NCOR1: variants seen among roughly 807,000 people sequenced by gnomAD.
The protein encoded by NCOR1 is nuclear receptor corepressor 1.
NCOR1 carries 63 observed loss-of-function variants against 288.1 expected under a neutral mutation model. That is an observed-to-expected ratio of 0.22 (90% CI 0.18 to 0.27). The LOEUF (loss-of-function observed/expected upper bound fraction) is 0.27, where lower values mean the gene tolerates loss of function less well. Among genes scored for constraint, NCOR1 ranks in the 10% least tolerant of loss-of-function variants. The pLI, the probability that NCOR1 is intolerant of heterozygous loss-of-function variation, is 1.00. For synonymous variants in NCOR1, 1,007 were observed against 1,065.9 expected (o/e 0.94, Z 1.08); for missense variants, 2,397 against 3,019.2 (o/e 0.79, Z 4.83).
chr17:16,155,027 A>C (rs2079495454), intron 6 of NCOR1, among the ~76,000 whole-genome samples: 1 of 152,092 alleles, frequency 6.6e-6, no homozygotes. Flanking sequence ...CTTTCTTCTG[A>C]AGTCACATTC....
At chr17:16,076,076 T>C (rs969148389) in intron 26 of NCOR1, among the ~76,000 whole-genome samples, 2 of 152,266 alleles carry the variant, frequency 1.3e-5, no homozygotes, top group African/African-American at 4.8e-5. Flanking sequence ...TTTTGCGTTG[T>C]TGAAATTTGC....
At chr17:16,156,892 T>G (rs946599474) in intron 6 of NCOR1, among the ~76,000 whole-genome samples, 4 of 152,142 alleles carry the variant, frequency 2.6e-5, no homozygotes, top group African/African-American at 7.2e-5. Flanking sequence ...TCACTAATAT[T>G]GTAAGACAAG....
chr17:16,148,995 C>CT (rs1402319693), intron 9 of NCOR1, among the ~76,000 whole-genome samples: 1 of 151,820 alleles, frequency 6.6e-6, no homozygotes, highest in East Asian at 1.9e-4. Flanking sequence ...AACCACAAAA[C>CT]TTTTGGACTG....
rs2153152956 is a variant in NCOR1, at chr17:16,121,180, G to C, written c.1724C>G (p.Ala575Gly). 1 of 1,614,092 alleles carries C rather than the reference G, an allele frequency of 6.2e-7. No homozygotes were observed. Among genetic ancestry groups the C allele is most frequent in the African/African-American group, 1.3e-5 (1 of 75,030 alleles). ...EQATPRGRKT[A>G]NSQGRRKGRI... Reference sequence around the variant, plus strand: ...GCCCTTACGGCGGCCCTGACTGTTGGCAGTCTTTCGCCCCCGGGGTGTGGC... The same window carrying C: ...GCCCTTACGGCGGCCCTGACTGTTGCCAGTCTTTCGCCCCCGGGGTGTGGC... The change falls in exon 16 of 46, where the codon GCC becomes GGC. Residue 575 changes from alanine to glycine, a missense_variant. Coordinates refer to ENST00000268712, the MANE Select transcript of NCOR1 (RefSeq NM_006311.4).
In NCOR1 at chr17:16,127,322, T is replaced by C. The variant is rs532817071; in HGVS notation, c.1510-1116A>G. 7.9e-5 allele frequency among the ~76,000 whole-genome samples: 10 copies of C among 125,936 alleles called. 2 individuals are homozygous for C. The highest frequency in any genetic ancestry group is 1.3e-4 in the Non-Finnish European group (8 of 61,586). The allele number at this position is 125,936 out of a possible 152,430, so 82.6% of individuals were successfully genotyped here. ...GTATGTATATATACATGTATGTATA[T>C]ATGTATGTATATATACATGTATGTA... On this transcript the variant is annotated intron_variant, in intron 14 of 45. Coordinates refer to ENST00000268712, the MANE Select transcript of NCOR1 (RefSeq NM_006311.4).
intron 14 of NCOR1, among the ~76,000 whole-genome samples, chr17:16,127,656 T>C (rs1035924078): frequency 4.8e-5 from 7 of 146,832 alleles, no homozygotes; most frequent in Non-Finnish European, 7.5e-5. Flanking sequence ...TATGTGTATA[T>C]ATACATATAT....
At chr17:16,093,440 T>C (rs542807912) in intron 21 of NCOR1, among the ~76,000 whole-genome samples, 1 of 152,356 alleles carries the variant, frequency 6.6e-6, no homozygotes, top group East Asian at 1.9e-4. Flanking sequence ...GTACACAGTA[T>C]TTGCCAGTTT....
chr17:16,049,113 A>C, intron 40 of NCOR1, 125 bp from the exon 41 acceptor site: 1 of 1,041,446 alleles, frequency 9.6e-7, no homozygotes, highest in Non-Finnish European at 1.3e-6. Context: ...TTCTATCAGA[A>C]AAAAAGTTGC....
chr17:16,121,483 C>A (rs998415135), intron 15 of NCOR1, among the ~76,000 whole-genome samples: 2 of 151,888 alleles, frequency 1.3e-5, no homozygotes, highest in African/African-American at 4.8e-5. Context: ...ATTTTACATA[C>A]TAATGGACTT....
Position 16,061,485 on chromosome 17 carries a change from T to C in NCOR1, c.5797A>G (p.Ile1933Val), listed in dbSNP as rs766082423. 1.9e-6 allele frequency: 3 copies of C among 1,614,232 alleles called. No individual in the cohort carries two copies. Among genetic ancestry groups the C allele is most frequent in the Admixed American group, 1.7e-5 (1 of 60,024 alleles). ...GKTTITAANF[I>V]DVIITRQIAS... ...ATTTGCCGGGTGATGATCACGTCTA[T>C]GAAGTTAGCTGCAGTAATGGTAGTC... Residue 1933 changes from isoleucine to valine, a missense_variant, in exon 37 of 46, where the codon ATA becomes GTA. Physicochemically the swap from Ile to Val is conservative, Grantham distance 29. Coordinates refer to ENST00000268712, the MANE Select transcript of NCOR1 (RefSeq NM_006311.4).
chr17:16,113,934 G>A (rs780099266), intron 18 of NCOR1, among the ~76,000 whole-genome samples: 7 of 151,678 alleles, frequency 4.6e-5, no homozygotes, highest in Non-Finnish European at 7.4e-5. Flanking sequence ...CCTATCTTAC[G>A]TTTGGTATAT....
intron 42 of NCOR1, among the ~76,000 whole-genome samples, chr17:16,042,143 G>A (rs1485176573): frequency 1.7e-5 from 2 of 116,836 alleles, no homozygotes; most frequent in Non-Finnish European, 3.6e-5. Flanking sequence ...TGGTTGATTA[G>A]GGAGGCTTTA....
Position 16,161,380 on chromosome 17 carries a change from C to T in NCOR1, c.619-2507G>A, listed in dbSNP as rs186748239. On this transcript the variant is annotated intron_variant, in intron 5 of 45. Transcript: ENST00000268712. Reference sequence around the variant, plus strand: ...TCTCAGCTCACTGCAACCTCTGCCTCCCGGGTTCAGGTGATTCTCCTACCT... The same window carrying T: ...TCTCAGCTCACTGCAACCTCTGCCTTCCGGGTTCAGGTGATTCTCCTACCT... Among the ~76,000 whole-genome samples the T allele has an allele frequency of 6.6e-5, 10 of 152,254 alleles. No individual in the cohort carries two copies. The East Asian group carries it at 1.7e-3, about 26-fold the overall frequency.
chr17:16,127,201 GTATGTATATATCTGTATGTATATATACA>G, intron 14 of NCOR1, among the ~76,000 whole-genome samples: 1 of 144,518 alleles, frequency 6.9e-6, no homozygotes, highest in Admixed American at 7.1e-5. Flanking sequence ...ATATATACAT[GTATGTATATATCTGTATGTATATATACA>G]TGTATGCATA....
At chr17:16,214,980 C>T (rs1031820079) in intron 1 of NCOR1, among the ~76,000 whole-genome samples, 10 of 152,260 alleles carry the variant, frequency 6.6e-5, no homozygotes, top group Non-Finnish European at 1.3e-4. Context: ...AACTCCGCCT[C>T]AGTGAGCCCA....
chr17:16,106,190 C>T (rs1037375062), intron 19 of NCOR1, among the ~76,000 whole-genome samples: 1 of 152,084 alleles, frequency 6.6e-6, no homozygotes, highest in African/African-American at 2.4e-5. Flanking sequence ...TAACAAAAAG[C>T]CCAACTTAAC....
At chr17:16,121,298 G>A (rs764947610) in intron 15 of NCOR1, 29 bp from the exon 16 acceptor site, 1 of 1,592,744 alleles carries the variant, frequency 6.3e-7, no homozygotes, top group Non-Finnish European at 8.6e-7. Context: ...GAAAACTTGT[G>A]TGATTCCAAA....
intron 1 of NCOR1, among the ~76,000 whole-genome samples, chr17:16,201,578 A>C (rs2090817500): frequency 6.6e-6 from 1 of 152,214 alleles, no homozygotes; most frequent in Non-Finnish European, 1.5e-5. Context: ...AGCCTGAGCA[A>C]GAGAACAAGA....
At chr17:16,151,107 G>A (rs1002392781) in intron 8 of NCOR1, among the ~76,000 whole-genome samples, 18 of 151,340 alleles carry the variant, frequency 1.2e-4, no homozygotes, top group Non-Finnish European at 5.9e-5. Context: ...AAATAATTAT[G>A]TTCTGCTTAT....
Sources: allele counts gnomAD v4.1 joint callset (sites outside exome capture counted in the v4.1 genomes callset), GRCh38; gene constraint gnomAD v4.1.1; transcripts MANE v1.5; gene names NCBI Gene and HGNC (gene_info 2026-07-23, HGNC 2026-07-21).